Variants in ZNF487 observed in about 807,000 individuals in gnomAD.
ZNF487 encodes the protein zinc finger protein 487, also known as KRAB domain only 1.
Under a neutral mutation model 3.0 loss-of-function variants are expected in ZNF487, and 4 were observed. The ratio of observed to expected loss-of-function variants is 1.35; its 90% CI spans 0.66 to 3.08. The LOEUF is 3.08. Among genes scored for constraint, ZNF487 ranks in the 30% most tolerant of loss-of-function variants. The probability of loss-of-function intolerance (pLI) is 0.01; values close to 1 mark genes in which losing one functional copy is unlikely to be tolerated. For missense variants in ZNF487, 146 were observed against 98.7 expected, an observed-to-expected ratio of 1.48 and a Z score of -2.03; for synonymous variants, 55 against 34.6, an observed-to-expected ratio of 1.59 and a Z score of -2.06.
chr10:43,513,882 C>T, the ZNF487 span, among the ~76,000 whole-genome samples: 1 of 152,200 alleles, frequency 6.6e-6, no homozygotes, highest in African/African-American at 2.4e-5. Context: ...ATCGTTAGCT[C>T]AGAGCCAGTG....
At chr10:43,471,277 G>T (rs1840900059) in intron 1 of ZNF487, among the ~76,000 whole-genome samples, 1 of 152,122 alleles carries the variant, frequency 6.6e-6, no homozygotes, top group Non-Finnish European at 1.5e-5. Flanking sequence ...CAAGCTCCGT[G>T]TCCAGAATGG....
chr10:43,494,924 G>T, the ZNF487 span, among the ~76,000 whole-genome samples: 1 of 125,184 alleles, frequency 8.0e-6, no homozygotes, highest in African/African-American at 3.0e-5. Flanking sequence ...GCAGCAGAGT[G>T]AGACTCCATC....
At chr10:43,505,343 G>A in the ZNF487 span, among the ~76,000 whole-genome samples, 1 of 151,916 alleles carries the variant, frequency 6.6e-6, no homozygotes, top group Non-Finnish European at 1.5e-5. Flanking sequence ...GGAGTGCAGT[G>A]GTGTGATCTT....
chr10:43,442,454 A>T (rs1000746305), intron 1 of ZNF487, among the ~76,000 whole-genome samples: 10 of 151,338 alleles, frequency 6.6e-5, no homozygotes, highest in East Asian at 1.9e-4. Flanking sequence ...TTATTTATTT[A>T]TTTTTTTGAG....
the ZNF487 span, among the ~76,000 whole-genome samples, chr10:43,507,228 C>G: frequency 6.6e-6 from 1 of 152,174 alleles, no homozygotes; most frequent in East Asian, 1.9e-4. Flanking sequence ...TCTTTTGTTG[C>G]TGTGTCTACT....
At chr10:43,479,979 C>CT (rs1404642482) in intron 3 of ZNF487, among the ~76,000 whole-genome samples, 13 of 35,966 alleles carry the variant, frequency 3.6e-4, no homozygotes, top group East Asian at 1.9e-3. Flanking sequence ...TCTTTTCTTT[C>CT]TTTCCTTCTT....
At chr10:43,467,501 C>T (rs571203769) in intron 1 of ZNF487, among the ~76,000 whole-genome samples, 83 of 152,158 alleles carry the variant, frequency 5.5e-4, no homozygotes, top group Non-Finnish European at 2.6e-4. Flanking sequence ...CTGCGCCCGA[C>T]CTTCAACTTT....
intron 1 of ZNF487, among the ~76,000 whole-genome samples, chr10:43,457,711 C>T (rs1366132828): frequency 7.0e-6 from 1 of 142,630 alleles, no homozygotes; most frequent in Non-Finnish European, 1.5e-5. Context: ...AAAAAAAATT[C>T]CTCATGAGAC....
At chr10:43,456,060 C>T (rs960084122) in intron 1 of ZNF487, among the ~76,000 whole-genome samples, 2 of 152,188 alleles carry the variant, frequency 1.3e-5, no homozygotes, top group African/African-American at 4.8e-5. Flanking sequence ...TATCCTGGGG[C>T]ACTTGTAGTC....
At chr10:43,445,114 C>T (rs1479495828) in intron 1 of ZNF487, among the ~76,000 whole-genome samples, 1 of 151,580 alleles carries the variant, frequency 6.6e-6, no homozygotes, top group African/African-American at 2.4e-5. Context: ...TCATTTCATT[C>T]AGTGTATTTT....
At chr10:43,461,854 G>C (rs574881281) in intron 1 of ZNF487, among the ~76,000 whole-genome samples, 54 of 152,240 alleles carry the variant, frequency 3.5e-4, no homozygotes, top group Middle Eastern at 3.4e-3. Flanking sequence ...ACAAGTCCTA[G>C]TTGTTTGTTT....
chr10:43,488,320 G>T, the ZNF487 span, among the ~76,000 whole-genome samples: 1 of 152,050 alleles, frequency 6.6e-6, no homozygotes, highest in African/African-American at 2.4e-5. Context: ...TTGCAGAATA[G>T]TGTAACTTAT....
At chr10:43,471,369 AGTGTTACG>A (rs1840903099) in intron 1 of ZNF487, among the ~76,000 whole-genome samples, 1 of 152,032 alleles carries the variant, frequency 6.6e-6, no homozygotes, top group South Asian at 2.1e-4. Context: ...CCCTAGAGGG[AGTGTTACG>A]GTGCTCTGTT....
At chr10:43,442,278 A>T (rs919283791) in intron 1 of ZNF487, among the ~76,000 whole-genome samples, 1 of 150,926 alleles carries the variant, frequency 6.6e-6, no homozygotes, top group Non-Finnish European at 1.5e-5. Flanking sequence ...CAAAAAAAAA[A>T]CAAAGAAAAA....
At chr10:43,476,277 C>A (rs979306202) in intron 3 of ZNF487, 75 bp downstream of exon 3, 1 of 658,176 alleles carries the variant, frequency 1.5e-6, no homozygotes, top group South Asian at 1.7e-5. Context: ...CACATATTGA[C>A]ATCTTTGAAA....
chr10:43,498,119 T>A, the ZNF487 span, among the ~76,000 whole-genome samples: 2,608 of 15,852 alleles, frequency 0.16, 238 homozygotes, highest in Non-Finnish European at 0.24. Context: ...TTTTTCTTTT[T>A]TTTTTTTTTT....
chr10:43,446,653 G>C (rs563753273), intron 1 of ZNF487, among the ~76,000 whole-genome samples: 65 of 151,492 alleles, frequency 4.3e-4, no homozygotes, highest in African/African-American at 1.6e-3. Context: ...GGGCAGAGAC[G>C]CTCCTCTCTT....
At chr10:43,446,661 C>A (rs1415748014) in intron 1 of ZNF487, among the ~76,000 whole-genome samples, 2 of 151,598 alleles carry the variant, frequency 1.3e-5, no homozygotes, top group Non-Finnish European at 2.9e-5. Flanking sequence ...ACGCTCCTCT[C>A]TTCCTAGACG....
chr10:43,480,316 C>CTCG (rs1332606866), intron 3 of ZNF487, among the ~76,000 whole-genome samples: 3 of 151,286 alleles, frequency 2.0e-5, no homozygotes, highest in African/African-American at 7.3e-5. Flanking sequence ...CCATGTTGGC[C>CTCG]AGGCTGGTCT....
Sources: gnomAD v4.1 joint callset for allele counts (sites outside exome capture counted in the v4.1 genomes callset) on GRCh38, gnomAD v4.1.1 for gene constraint, MANE v1.5 for transcripts, NCBI Gene and HGNC (gene_info 2026-07-23, HGNC 2026-07-21) for gene names.